The following ATP8A2 variants were observed in gnomAD, a reference collection of about 807,000 sequenced individuals.
ATP8A2 encodes phospholipid-transporting ATPase IB.
Under a neutral mutation model 165.6 loss-of-function variants are expected in ATP8A2, and 100 were observed. That is an observed-to-expected ratio of 0.60 (90% CI 0.51 to 0.71). ATP8A2 has a LOEUF of 0.71. Among genes scored for constraint, ATP8A2 ranks in the 30% least tolerant of loss-of-function variants. The probability of loss-of-function intolerance (pLI) is 0.00; values close to 1 mark genes in which losing one functional copy is unlikely to be tolerated. For missense variants in ATP8A2, 1,227 were observed against 1,479.5 expected (o/e 0.83, Z 2.80); for synonymous variants, 543 against 548.8 (o/e 0.99, Z 0.15).
chr13:25,522,111 T>C (rs1015519139), intron 2 of ATP8A2, among the ~76,000 whole-genome samples: 4 of 152,236 alleles, frequency 2.6e-5, no homozygotes, highest in African/African-American at 9.6e-5. Flanking sequence ...ATGGAATATC[T>C]TTCCATTCTT....
chr13:25,504,966 T>A (rs2036985121), intron 2 of ATP8A2, among the ~76,000 whole-genome samples: 1 of 152,166 alleles, frequency 6.6e-6, no homozygotes, highest in South Asian at 2.1e-4. Context: ...ATTGTATTTT[T>A]TTAGTGAGAA....
chr13:25,735,321 A>G (rs4770870), intron 25 of ATP8A2, among the ~76,000 whole-genome samples: 72,044 of 151,954 alleles, frequency 0.47, 17,252 homozygotes, highest in East Asian at 0.58. Flanking sequence ...GTGCAGTGGT[A>G]TGATCATAGC....
intron 2 of ATP8A2, among the ~76,000 whole-genome samples, chr13:25,499,986 C>G (rs2036803816): frequency 1.3e-5 from 2 of 152,100 alleles, no homozygotes; most frequent in South Asian, 4.1e-4. Context: ...ATGCTACCCT[C>G]TAGTCCTAGG....
intron 26 of ATP8A2, among the ~76,000 whole-genome samples, chr13:25,769,615 A>G (rs562597117): frequency 2.0e-4 from 31 of 152,248 alleles, no homozygotes; most frequent in African/African-American, 6.7e-4. Flanking sequence ...GCCTTTCTCT[A>G]TAATCCTGTT....
intron 27 of ATP8A2, among the ~76,000 whole-genome samples, chr13:25,814,881 G>T (rs1325512308): frequency 1.3e-5 from 2 of 152,030 alleles, no homozygotes; most frequent in Admixed American, 6.6e-5. Context: ...TTAGCCAGTT[G>T]TAGTGGCGCA....
At chr13:25,647,022 C>G (rs899919406) in intron 24 of ATP8A2, among the ~76,000 whole-genome samples, 3 of 152,128 alleles carry the variant, frequency 2.0e-5, no homozygotes, top group African/African-American at 7.2e-5. Flanking sequence ...TCTCTTTCCC[C>G]CATTTTATGT....
intron 24 of ATP8A2, among the ~76,000 whole-genome samples, chr13:25,666,380 T>G (rs1226049569): frequency 3.4e-5 from 5 of 147,022 alleles, no homozygotes; most frequent in African/African-American, 1.3e-4. Flanking sequence ...CGGCTAATTT[T>G]TTGTGTGTGT....
chr13:25,725,992 G>C (rs1023275615), intron 25 of ATP8A2, among the ~76,000 whole-genome samples: 4 of 152,164 alleles, frequency 2.6e-5, no homozygotes, highest in African/African-American at 9.7e-5. Flanking sequence ...GAAAGGATAG[G>C]TAACTCAAAT....
At chr13:25,939,435 C>G (rs1405910995) in intron 33 of ATP8A2, among the ~76,000 whole-genome samples, 1 of 152,194 alleles carries the variant, frequency 6.6e-6, no homozygotes, top group East Asian at 1.9e-4. Flanking sequence ...ACGGAGGAGT[C>G]CGCAGCCTCC....
At chr13:25,787,474 C>T (rs1260589060) in intron 27 of ATP8A2, among the ~76,000 whole-genome samples, 1 of 152,200 alleles carries the variant, frequency 6.6e-6, no homozygotes, top group Admixed American at 6.5e-5. Context: ...GACATTTGGG[C>T]CGTTTCCTAA....
chr13:25,502,132 T>A (rs1214556541), intron 2 of ATP8A2, among the ~76,000 whole-genome samples: 2 of 152,176 alleles, frequency 1.3e-5, no homozygotes, highest in Non-Finnish European at 2.9e-5. Flanking sequence ...AAAAATAAAT[T>A]CTCAAATGCT....
chr13:25,620,504 C>T (rs1007956808), intron 24 of ATP8A2, among the ~76,000 whole-genome samples: 20 of 152,110 alleles, frequency 1.3e-4, no homozygotes, highest in African/African-American at 4.8e-4. Flanking sequence ...GGTGGAAGAT[C>T]TAAGCTGTTC....
intron 10 of ATP8A2, among the ~76,000 whole-genome samples, chr13:25,547,125 G>A (rs933087952): frequency 5.3e-5 from 8 of 151,846 alleles, no homozygotes; most frequent in Admixed American, 1.3e-4. Context: ...GCCAGGCTCC[G>A]TCTCGAAATA....
At chr13:25,549,868 G>A (rs1299870573) in intron 10 of ATP8A2, among the ~76,000 whole-genome samples, 2 of 152,038 alleles carry the variant, frequency 1.3e-5, no homozygotes, top group Non-Finnish European at 2.9e-5. Context: ...CTCTCCCTTT[G>A]AGCACAATTC....
At chr13:25,579,324 A>G (rs2039704305) in intron 21 of ATP8A2, among the ~76,000 whole-genome samples, 1 of 152,182 alleles carries the variant, frequency 6.6e-6, no homozygotes, top group Non-Finnish European at 1.5e-5. Context: ...GAATGTCATG[A>G]TAGCTGGAGC....
At chr13:25,711,547 A>AT (rs2043158683) in intron 25 of ATP8A2, among the ~76,000 whole-genome samples, 1 of 148,500 alleles carries the variant, frequency 6.7e-6, no homozygotes, top group Admixed American at 6.7e-5. Flanking sequence ...ACATCTCTAT[A>AT]TTTAAAAAAA....
chr13:25,373,685 C>G (rs1396329490), intron 1 of ATP8A2, among the ~76,000 whole-genome samples: 1 of 152,162 alleles, frequency 6.6e-6, no homozygotes, highest in Non-Finnish European at 1.5e-5. Flanking sequence ...GCACCCCTTG[C>G]TGAGATGGGG....
chr13:25,851,489 A>G (rs1374071860), intron 30 of ATP8A2, among the ~76,000 whole-genome samples: 2 of 151,970 alleles, frequency 1.3e-5, no homozygotes, highest in African/African-American at 4.8e-5. Context: ...AGGCTGAGGC[A>G]GGAGAATCGC....
intron 35 of ATP8A2, among the ~76,000 whole-genome samples, chr13:25,976,292 A>G (rs1182660426): frequency 6.6e-6 from 1 of 152,054 alleles, no homozygotes; most frequent in Non-Finnish European, 1.5e-5. Flanking sequence ...TTTTTATCAT[A>G]ACACTGATCC....
Sources: gnomAD v4.1 joint callset for allele counts (sites outside exome capture counted in the v4.1 genomes callset) on GRCh38, gnomAD v4.1.1 for gene constraint, MANE v1.5 for transcripts, NCBI Gene and HGNC (gene_info 2026-07-23, HGNC 2026-07-21) for gene names.